The following TFEC variants were observed in gnomAD, a reference collection of about 807,000 sequenced individuals.
TFEC encodes transcription factor EC, also known as class E basic helix-loop-helix protein 34.
TFEC carries 31 observed loss-of-function variants against 41.6 expected under a neutral mutation model. The ratio of observed to expected loss-of-function variants is 0.74; its 90% CI spans 0.56 to 1.01. The LOEUF (loss-of-function observed/expected upper bound fraction) is 1.01, where lower values mean the gene tolerates loss of function less well. TFEC is among the 50% of genes least tolerant of loss of function. The pLI is 0.00. For missense variants in TFEC, 402 were observed against 404.1 expected, an observed-to-expected ratio of 0.99 and a Z score of 0.04; for synonymous variants, 143 against 140.6, an observed-to-expected ratio of 1.02 and a Z score of -0.12.
chr7:116,048,329 T>C (rs1380708195), intron 3 of TFEC, among the ~76,000 whole-genome samples: 2 of 152,242 alleles, frequency 1.3e-5, no homozygotes, highest in Non-Finnish European at 2.9e-5. Context: ...AACTACGTGT[T>C]GCACACACAA....
chr7:116,130,328 C>T (rs1030135315), intron 1 of TFEC, among the ~76,000 whole-genome samples: 1 of 152,166 alleles, frequency 6.6e-6, no homozygotes, highest in African/African-American at 2.4e-5. Context: ...TCAACGTGCT[C>T]TTTATGGCAG....
intron 6 of TFEC, among the ~76,000 whole-genome samples, chr7:115,943,285 T>C (rs1259716587): frequency 6.6e-6 from 1 of 151,898 alleles, no homozygotes; most frequent in Non-Finnish European, 1.5e-5. Flanking sequence ...AGTCTATCTT[T>C]GGTGCTAAAC....
At chr7:116,010,480 G>A (rs1794958616) in intron 1 of TFEC, among the ~76,000 whole-genome samples, 1 of 152,280 alleles carries the variant, frequency 6.6e-6, no homozygotes, top group African/African-American at 2.4e-5. Flanking sequence ...AGAAAGAATA[G>A]AGAATCATGA....
At chr7:115,960,752 A>G (rs1377660524) in intron 3 of TFEC, among the ~76,000 whole-genome samples, 3 of 151,682 alleles carry the variant, frequency 2.0e-5, no homozygotes, top group Admixed American at 6.6e-5. Context: ...GAAAACAGGA[A>G]CTAGATAAAA....
intron 3 of TFEC, among the ~76,000 whole-genome samples, chr7:116,089,936 T>G (rs1374590703): frequency 1.3e-5 from 2 of 152,128 alleles, no homozygotes; most frequent in Admixed American, 6.6e-5. Flanking sequence ...TGTCAAGGTT[T>G]GGATCACATA....
chr7:115,968,211 C>T (rs1216092752), intron 3 of TFEC: 11 of 1,531,134 alleles, frequency 7.2e-6, no homozygotes. Flanking sequence ...GTGTCTATAA[C>T]CTTCACAATA....
At chr7:116,121,499 C>T (rs1227849933) in intron 1 of TFEC, 2 of 151,910 alleles carry the variant, frequency 1.3e-5, no homozygotes, top group Non-Finnish European at 2.9e-5. Context: ...TGGTTGACAT[C>T]ATTGTGAATG....
intron 3 of TFEC, among the ~76,000 whole-genome samples, chr7:116,076,940 A>C (rs1046796075): frequency 6.6e-6 from 1 of 152,184 alleles, no homozygotes; most frequent in African/African-American, 2.4e-5. Flanking sequence ...TGGGAAATTT[A>C]TTGCAAAAAG....
chr7:115,987,794 A>C (rs947922221), intron 1 of TFEC, among the ~76,000 whole-genome samples: 3 of 152,116 alleles, frequency 2.0e-5, no homozygotes, highest in Non-Finnish European at 4.4e-5. Context: ...TATATATATA[A>C]ACATATAAAC....
At chr7:116,096,516 T>C (rs901052073) in intron 3 of TFEC, among the ~76,000 whole-genome samples, 1 of 152,214 alleles carries the variant, frequency 6.6e-6, no homozygotes, top group Non-Finnish European at 1.5e-5. Context: ...AATATGTGTA[T>C]AGTAGAATCT....
At chr7:116,047,260 G>A (rs1796190017) in intron 3 of TFEC, among the ~76,000 whole-genome samples, 1 of 152,162 alleles carries the variant, frequency 6.6e-6, no homozygotes, top group Non-Finnish European at 1.5e-5. Context: ...ACAAAGGGAA[G>A]CCATGACAGA....
Position 115,936,746 on chromosome 7 carries a change from T to G in TFEC, c.*3805A>C, listed in dbSNP as rs537900180. ...AAATGAGCACACCAAATCAAGACAT[T>G]CTTTGTATCTGTTTTTTTAAGTAAG... On this transcript the variant is annotated 3_prime_UTR_variant, in exon 8 of 8. Transcript: ENST00000265440. 5.3e-5 allele frequency: 8 copies of G among 151,666 alleles called. No homozygotes were observed. The South Asian group carries it at 1.2e-3, about 24-fold the overall frequency. 9.4% of individuals were successfully genotyped at this position (151,666 alleles called of 1,614,324 possible). A position where few individuals can be genotyped will look rare whatever the true frequency, so the allele number is the denominator to read the frequency against.
chr7:116,096,120 G>C (rs1345068509), intron 3 of TFEC, among the ~76,000 whole-genome samples: 2 of 152,092 alleles, frequency 1.3e-5, no homozygotes, highest in Non-Finnish European at 1.5e-5. Context: ...AACTCTTACA[G>C]GACTTTTTCC....
At chr7:116,089,774 G>A (rs1031873479) in intron 3 of TFEC, among the ~76,000 whole-genome samples, 6 of 152,110 alleles carry the variant, frequency 3.9e-5, no homozygotes, top group Middle Eastern at 3.2e-3. Context: ...TTTGAGGACA[G>A]GTAAATGTTA....
At chr7:116,147,223 T>C (rs1798659863) in intron 1 of TFEC, among the ~76,000 whole-genome samples, 1 of 152,178 alleles carries the variant, frequency 6.6e-6, no homozygotes, top group Admixed American at 6.5e-5. Context: ...TGATGAAAGA[T>C]GTTAATCCTC....
rs1029687143 is a variant in TFEC, at chr7:115,940,694, C to T, written c.901G>A (p.Glu301Lys). ...AATAGCATGCCATCCAATCTTTGTT[C>T]CTCTTTCAATGCAGCACTAAATGAT... ...DLSFSAALKE[E>K]QRLDGMLLDD... Residue 301 changes from glutamate (E) to lysine (K), a missense_variant, in exon 8 of 8, where the codon GAA becomes AAA. Transcript: ENST00000265440. The T allele has an allele frequency of 6.2e-7, 1 of 1,613,444 alleles. No individual in the cohort carries two copies.
chr7:116,139,174 C>G (rs1798491062), intron 1 of TFEC, among the ~76,000 whole-genome samples: 1 of 152,150 alleles, frequency 6.6e-6, no homozygotes, highest in African/African-American at 2.4e-5. Context: ...ATGTTTCTGC[C>G]TCTCAGGGCA....
chr7:116,135,942 T>G (rs1048634682), intron 1 of TFEC, among the ~76,000 whole-genome samples: 1 of 152,116 alleles, frequency 6.6e-6, no homozygotes, highest in Non-Finnish European at 1.5e-5. Flanking sequence ...CTTTAGAAAA[T>G]TAGCTTTTAG....
chr7:116,041,784 G>T (rs1461016368), intron 3 of TFEC, among the ~76,000 whole-genome samples: 1 of 152,122 alleles, frequency 6.6e-6, no homozygotes, highest in Non-Finnish European at 1.5e-5. Flanking sequence ...TCAGACACAG[G>T]TCTGAAACAA....
Sources: allele counts gnomAD v4.1 joint callset (sites outside exome capture counted in the v4.1 genomes callset), GRCh38; gene constraint gnomAD v4.1.1; transcripts MANE v1.5; gene names NCBI Gene and HGNC (gene_info 2026-07-23, HGNC 2026-07-21).